DSCAM: variants seen among roughly 807,000 people sequenced by gnomAD.
DSCAM encodes the protein DS cell adhesion molecule, also known as cell adhesion molecule DSCAM.
Under a neutral mutation model 217.7 loss-of-function variants are expected in DSCAM, and 47 were observed. That is an observed-to-expected ratio of 0.22 (90% CI 0.17 to 0.28). The LOEUF is 0.28. DSCAM is among the 10% of genes least tolerant of loss of function. The pLI, the probability that DSCAM is intolerant of heterozygous loss-of-function variation, is 1.00. For synonymous variants in DSCAM, 1,056 were observed against 1,015.3 expected, an observed-to-expected ratio of 1.04 and a Z score of -0.76; for missense variants, 2,080 against 2,618.3, an observed-to-expected ratio of 0.79 and a Z score of 4.49.
At chr21:40,084,148 T>C (rs2089501365) in intron 23 of DSCAM, 142 bp from the exon 24 acceptor site, 2 of 608,840 alleles carry the variant, frequency 3.3e-6, no homozygotes, top group South Asian at 4.1e-5. Context: ...TTCACTTCTG[T>C]CAAAATGTCT....
chr21:40,309,796 T>C (rs1453936800), intron 9 of DSCAM, among the ~76,000 whole-genome samples: 1 of 152,186 alleles, frequency 6.6e-6, no homozygotes, highest in South Asian at 2.1e-4. Context: ...AACACCTTCA[T>C]CCAAGGCATT....
chr21:40,749,583 G>T (rs2091207490), intron 1 of DSCAM, among the ~76,000 whole-genome samples: 1 of 152,150 alleles, frequency 6.6e-6, no homozygotes, highest in Non-Finnish European at 1.5e-5. Flanking sequence ...ACAAATGCTG[G>T]TGAGGATGTG....
At chr21:40,612,988 T>C (rs2089336280) in intron 3 of DSCAM, among the ~76,000 whole-genome samples, 1 of 152,190 alleles carries the variant, frequency 6.6e-6, no homozygotes, top group Non-Finnish European at 1.5e-5. Context: ...CCATATGTTT[T>C]CAAGTTGGCT....
chr21:40,445,867 T>C (rs764409799), intron 3 of DSCAM, among the ~76,000 whole-genome samples: 1 of 152,224 alleles, frequency 6.6e-6, no homozygotes, highest in Non-Finnish European at 1.5e-5. Flanking sequence ...GATTTTACAG[T>C]TCACACTGAA....
chr21:40,840,902 A>G (rs1205100680), intron 1 of DSCAM, among the ~76,000 whole-genome samples: 1 of 152,112 alleles, frequency 6.6e-6, no homozygotes, highest in Non-Finnish European at 1.5e-5. Context: ...GGCTCTGCCT[A>G]TCACTTTTTC....
At chr21:40,552,487 A>G (rs1317328929) in intron 3 of DSCAM, among the ~76,000 whole-genome samples, 2 of 152,194 alleles carry the variant, frequency 1.3e-5, no homozygotes, top group South Asian at 4.1e-4. Flanking sequence ...GAAGATCTGT[A>G]TATCTCCCAT....
At chr21:40,074,967 C>G (rs1170441414) in intron 27 of DSCAM, 70 bp downstream of exon 27, 10 of 1,526,390 alleles carry the variant, frequency 6.6e-6, no homozygotes, top group Non-Finnish European at 8.0e-6. Flanking sequence ...TGTTCTCCAG[C>G]TGGCATCTCT....
At chr21:40,769,148 T>C (rs1330251552) in intron 1 of DSCAM, among the ~76,000 whole-genome samples, 1 of 152,186 alleles carries the variant, frequency 6.6e-6, no homozygotes, top group Non-Finnish European at 1.5e-5. Context: ...TAAGTGGCCA[T>C]GATCTGTGCT....
At chr21:40,435,021 T>C (rs777368721) in intron 3 of DSCAM, among the ~76,000 whole-genome samples, 10 of 152,184 alleles carry the variant, frequency 6.6e-5, no homozygotes, top group Non-Finnish European at 1.3e-4. Flanking sequence ...CCCCAACAAG[T>C]GCTCTAGAAA....
At chr21:40,403,910 C>G (rs1373246402) in intron 3 of DSCAM, among the ~76,000 whole-genome samples, 3 of 152,140 alleles carry the variant, frequency 2.0e-5, no homozygotes, top group Non-Finnish European at 4.4e-5. Context: ...ATATGAAAAT[C>G]AGGCATGTCT....
intron 6 of DSCAM, among the ~76,000 whole-genome samples, chr21:40,347,101 C>T (rs984600823): frequency 1.3e-5 from 2 of 152,000 alleles, no homozygotes; most frequent in Non-Finnish European, 2.9e-5. Flanking sequence ...AAATTGGAGA[C>T]CAGCCTGACC....
chr21:40,132,119 T>G (rs751453719), intron 19 of DSCAM, among the ~76,000 whole-genome samples: 34 of 152,174 alleles, frequency 2.2e-4, no homozygotes, highest in Non-Finnish European at 4.1e-4. Flanking sequence ...CCTAGCAATG[T>G]AAAAAGGAGT....
At chr21:40,134,259 G>A (rs546059933) in intron 18 of DSCAM, among the ~76,000 whole-genome samples, 1 of 152,218 alleles carries the variant, frequency 6.6e-6, no homozygotes, top group Non-Finnish European at 1.5e-5. Context: ...GGAAAACGAA[G>A]TAATTCGCTC....
intron 5 of DSCAM, among the ~76,000 whole-genome samples, chr21:40,352,320 T>A (rs1431192459): frequency 6.6e-6 from 1 of 152,228 alleles, no homozygotes; most frequent in Non-Finnish European, 1.5e-5. Context: ...TCTTACTGGC[T>A]GTCCAATGCT....
chr21:40,261,561 T>C (rs747451364), intron 11 of DSCAM, among the ~76,000 whole-genome samples: 1 of 152,022 alleles, frequency 6.6e-6, no homozygotes, highest in African/African-American at 2.4e-5. Context: ...GGCTTTCAGA[T>C]TGGAATTACA....
intron 2 of DSCAM, among the ~76,000 whole-genome samples, chr21:40,704,686 G>A (rs207477876): frequency 7.9e-5 from 12 of 152,046 alleles, no homozygotes; most frequent in East Asian, 3.9e-4. Flanking sequence ...ACTGCACTCC[G>A]ACCTGGACAA....
At chr21:40,682,740 GAA>G (rs2090423187) in intron 3 of DSCAM, among the ~76,000 whole-genome samples, 1 of 1,820 alleles carries the variant, frequency 5.5e-4, no homozygotes, top group African/African-American at 2.9e-3. Flanking sequence ...GAGGGGAGGG[GAA>G]GGGAGCGGAG....
intron 6 of DSCAM, among the ~76,000 whole-genome samples, chr21:40,342,023 A>T (rs1306960997): frequency 6.6e-6 from 1 of 152,162 alleles, no homozygotes; most frequent in East Asian, 1.9e-4. Flanking sequence ...CGCAGGTTGT[A>T]TATTTTTCCC....
intron 11 of DSCAM, among the ~76,000 whole-genome samples, chr21:40,247,702 C>T (rs750545406): frequency 2.6e-5 from 4 of 152,202 alleles, no homozygotes; most frequent in Non-Finnish European, 5.9e-5. Flanking sequence ...TTTGTAGGCA[C>T]ATGATGCAAA....
Sources: gnomAD v4.1 joint callset for allele counts (sites outside exome capture counted in the v4.1 genomes callset) on GRCh38, gnomAD v4.1.1 for gene constraint, MANE v1.5 for transcripts, NCBI Gene and HGNC (gene_info 2026-07-23, HGNC 2026-07-21) for gene names.